Variants in PRDM16 observed in about 807,000 individuals in gnomAD.
PRDM16 encodes the protein PR/SET domain 16.
PRDM16 carries 23 observed loss-of-function variants against 110.6 expected under a neutral mutation model. The observed-to-expected ratio is 0.21, with a 90% CI of 0.15 to 0.29. PRDM16 has a LOEUF of 0.29. PRDM16 is among the 10% of genes least tolerant of loss of function. The pLI, the probability that PRDM16 is intolerant of heterozygous loss-of-function variation, is 1.00. For synonymous variants in PRDM16, 799 were observed against 781.8 expected, an observed-to-expected ratio of 1.02 and a Z score of -0.37; for missense variants, 1,615 against 1,794.3, an observed-to-expected ratio of 0.90 and a Z score of 1.81.
At chr1:3,391,255 TCCTTC>T (rs767109698) in intron 4 of PRDM16, among the ~76,000 whole-genome samples, 17 of 152,292 alleles carry the variant, frequency 1.1e-4, no homozygotes, top group South Asian at 1.0e-3. Flanking sequence ...GGCAGGGGGC[TCCTTC>T]GGTATTTCAT....
intron 16 of PRDM16, among the ~76,000 whole-genome samples, 159 bp from the exon 17 acceptor site, chr1:3,433,512 ACGCGCT>A (rs1557674899): frequency 4.3e-5 from 6 of 140,778 alleles, no homozygotes; most frequent in African/African-American, 1.3e-4. Flanking sequence ...CGCCCTGCCC[ACGCGCT>A]CACCTGCCTG....
intron 2 of PRDM16, among the ~76,000 whole-genome samples, chr1:3,200,275 G>A (rs1289524430): frequency 6.6e-6 from 1 of 152,228 alleles, no homozygotes; most frequent in African/African-American, 2.4e-5. Context: ...CTGCACACCG[G>A]CAGAAAACCA....
intron 3 of PRDM16, among the ~76,000 whole-genome samples, chr1:3,253,648 G>A (rs1193768902): frequency 6.6e-6 from 1 of 152,060 alleles, no homozygotes; most frequent in South Asian, 2.1e-4. Context: ...TTGCTATTGT[G>A]AACAGTGCTG....
chr1:3,112,249 C>T lies in PRDM16; in HGVS notation c.37+42953C>T, dbSNP rs1259854077. ...CTCGGAGGAGCCTCGGCGTTTCACCCGTGGTGACAAAAGGCAGAGGAAACA... is the reference window on the plus strand; with the variant it reads ...CTCGGAGGAGCCTCGGCGTTTCACCTGTGGTGACAAAAGGCAGAGGAAACA... On this transcript the variant is annotated intron_variant, in intron 1 of 16. Coordinates refer to ENST00000270722, the MANE Select transcript of PRDM16 (RefSeq NM_022114.4). 2.6e-5 allele frequency among the ~76,000 whole-genome samples: 4 copies of T among 152,300 alleles called. No individual in the cohort carries two copies. The East Asian group carries it at 7.7e-4, about 29-fold the overall frequency.
Position 3,358,688 on chromosome 1 carries a change from G to A in PRDM16, c.439-26464G>A, listed in dbSNP as rs1395570798. ...TTCCCAGAGCAGCAGGCCGGCTGGG[G>A]CTCCCGTGAACAAATATCGCCACGT... On this transcript the variant is annotated intron_variant, in intron 3 of 16. Transcript: ENST00000270722. This position sits in a 1 kb window ranked among gnomAD's most constrained non-coding sequence, Gnocchi z 4.0. Among the ~76,000 whole-genome samples the A allele has an allele frequency of 1.3e-5, 2 of 152,236 alleles. No homozygotes were observed. The highest frequency in any genetic ancestry group is 3.9e-4 in the East Asian group (2 of 5,162).
chr1:3,279,794 G>A (rs1640670628), intron 3 of PRDM16, among the ~76,000 whole-genome samples: 1 of 148,414 alleles, frequency 6.7e-6, no homozygotes. Context: ...AGAGCCTGCG[G>A]GGGGGTGGGG....
chr1:3,122,516 T>TG (rs1356098428), intron 1 of PRDM16, among the ~76,000 whole-genome samples: 1 of 152,180 alleles, frequency 6.6e-6, no homozygotes, highest in Non-Finnish European at 1.5e-5. Flanking sequence ...GGGGCCCACC[T>TG]GGGGGCTGCG....
At chr1:3,195,781 G>C (rs1241836914) in intron 2 of PRDM16, among the ~76,000 whole-genome samples, 4 of 152,330 alleles carry the variant, frequency 2.6e-5, no homozygotes, top group Admixed American at 2.6e-4. Context: ...GGCTCCCTGT[G>C]AGAACAGGGT....
chr1:3,303,004 CTATATAA>C (rs570516701), intron 3 of PRDM16, among the ~76,000 whole-genome samples: 6 of 152,020 alleles, frequency 3.9e-5, no homozygotes, highest in African/African-American at 1.2e-4. Context: ...AAATAAAAAC[CTATATAA>C]TATATATCAG....
chr1:3,148,380 G>T lies in PRDM16; in HGVS notation c.38-37745G>T, dbSNP rs1034881338. ...CAAACCCAGGAGCCAGGAGCTGCAGGAGGGCCAGTGGCCAGAGGTGAGGAA... is the reference window on the plus strand; with the variant it reads ...CAAACCCAGGAGCCAGGAGCTGCAGTAGGGCCAGTGGCCAGAGGTGAGGAA... On this transcript the variant is annotated intron_variant, in intron 1 of 16. Coordinates refer to ENST00000270722, the MANE Select transcript of PRDM16 (RefSeq NM_022114.4). This position sits in a 1 kb window ranked among gnomAD's most constrained non-coding sequence, Gnocchi z 5.0. 6.6e-6 allele frequency among the ~76,000 whole-genome samples: 1 copy of T among 152,148 alleles called. No homozygotes were observed. The highest frequency in any genetic ancestry group is 1.5e-5 in the Non-Finnish European group (1 of 68,014).
In PRDM16 at chr1:3,350,408, T is replaced by A. The variant is rs1642459258; in HGVS notation, c.439-34744T>A. ...CCTGGGCACCCTTGAAGCCACCCCC[T>A]CTTTCCCTCCTGGGCTCTACTGCTC... On this transcript the variant is annotated intron_variant, in intron 3 of 16. Coordinates refer to ENST00000270722, the MANE Select transcript of PRDM16 (RefSeq NM_022114.4). This position sits in a 1 kb window ranked among gnomAD's most constrained non-coding sequence, Gnocchi z 7.1. 6.6e-6 allele frequency among the ~76,000 whole-genome samples: 1 copy of A among 152,162 alleles called. No individual in the cohort carries two copies. The highest frequency in any genetic ancestry group is 2.1e-4 in the South Asian group (1 of 4,824).
At chr1:3,401,649 G>A (rs1489847804) in intron 5 of PRDM16, among the ~76,000 whole-genome samples, 1 of 152,152 alleles carries the variant, frequency 6.6e-6, no homozygotes, top group Non-Finnish European at 1.5e-5. Context: ...ACATGCACAT[G>A]TGTGCACATC....
rs372724833 is a variant in PRDM16, at chr1:3,146,229, G to A, written c.38-39896G>A. On this transcript the variant is annotated intron_variant, in intron 1 of 16. Transcript: ENST00000270722. Reference sequence around the variant, plus strand: ...ACCCTCGGAGGGTGGAAACGGGGGGGCCCGCTAACCAATGAACGTTCGCTG... The same window carrying A: ...ACCCTCGGAGGGTGGAAACGGGGGGACCCGCTAACCAATGAACGTTCGCTG... 5.3e-5 allele frequency among the ~76,000 whole-genome samples: 8 copies of A among 152,326 alleles called. No individual in the cohort carries two copies. In the East Asian group the frequency reaches 9.7e-4, roughly 18 times the overall value.
intron 12 of PRDM16, among the ~76,000 whole-genome samples, chr1:3,421,980 ACAGACAGG>A (rs1226603582): frequency 6.8e-6 from 1 of 146,780 alleles, no homozygotes; most frequent in African/African-American, 2.5e-5. Flanking sequence ...AGGCAGGCGG[ACAGACAGG>A]CAGACAGACA....
At chr1:3,318,695 T>C (rs554798261) in intron 3 of PRDM16, among the ~76,000 whole-genome samples, 1 of 152,330 alleles carries the variant, frequency 6.6e-6, no homozygotes, top group South Asian at 2.1e-4. Flanking sequence ...CTTTGAACTT[T>C]CCCTAAGGTA....
At position 3,405,576 on chromosome 1, in the gene PRDM16, G is replaced by A. The variant is rs1643548627; in HGVS notation, c.1114G>A (p.Gly372Arg). Residue 372 changes from glycine to arginine, a missense_variant, in exon 8 of 17, where the codon GGG (glycine) becomes AGG (arginine). Physicochemically the swap from Gly to Arg is moderately radical, Grantham distance 125. Coordinates refer to ENST00000270722, the MANE Select transcript of PRDM16 (RefSeq NM_022114.4). Reference protein sequence around the residue: ...GARAHACPDCGKTFATSSGLK... With the variant: ...GARAHACPDCRKTFATSSGLK... The stretch of plus-strand genomic sequence containing the variant: ...TCGGGCCCACGCCTGCCCCGACTGC[G>A]GGAAGACCTTCGCCACGTCCTCCGG... 1.3e-5 allele frequency: 21 copies of A among 1,611,282 alleles called. No homozygotes were observed. Among genetic ancestry groups the A allele is most frequent in the Non-Finnish European group, 1.7e-5 (20 of 1,179,174 alleles).
Position 3,161,509 on chromosome 1 carries a change from G to C in PRDM16, c.38-24616G>C, listed in dbSNP as rs543097952. On this transcript the variant is annotated intron_variant, in intron 1 of 16. Coordinates refer to ENST00000270722, the MANE Select transcript of PRDM16 (RefSeq NM_022114.4). ...ATTTTGGAAAACCTCTTTGTGGATGGGTCGGGAATGGGGAGAAAATGAATA... is the reference window on the plus strand; with the variant it reads ...ATTTTGGAAAACCTCTTTGTGGATGCGTCGGGAATGGGGAGAAAATGAATA... Among the ~76,000 whole-genome samples, 17 of 152,322 alleles carry C rather than the reference G, an allele frequency of 1.1e-4. No individual in the cohort carries two copies. The East Asian group carries it at 3.1e-3, about 28-fold the overall frequency.
At position 3,203,844 on chromosome 1, in the gene PRDM16, G is replaced by C. The variant is rs10909899; in HGVS notation, c.387+17370G>C. On this transcript the variant is annotated intron_variant, in intron 2 of 16. Coordinates refer to ENST00000270722, the MANE Select transcript of PRDM16 (RefSeq NM_022114.4). ...TGAAGGCTTCAGCAGGTGAATTCGG[G>C]GGGGGCACAATTTACATAGATCCCT... 7.9e-5 allele frequency among the ~76,000 whole-genome samples: 12 copies of C among 152,216 alleles called. No homozygotes were observed. The East Asian group carries it at 9.7e-4, about 12-fold the overall frequency.
At chr1:3,071,979 G>T (rs1641774662) in intron 1 of PRDM16, among the ~76,000 whole-genome samples, 1 of 152,230 alleles carries the variant, frequency 6.6e-6, no homozygotes, top group Non-Finnish European at 1.5e-5. Flanking sequence ...GGCTCCGGGG[G>T]TGACCCGGGC....
Sources: allele counts gnomAD v4.1 joint callset (sites outside exome capture counted in the v4.1 genomes callset), GRCh38; gene constraint gnomAD v4.1.1; non-coding constraint Gnocchi (gnomAD v3.1); transcripts MANE v1.5; gene names NCBI Gene and HGNC (gene_info 2026-07-23, HGNC 2026-07-21).